Variants in SPATA3 observed in about 807,000 individuals in gnomAD.
The protein encoded by SPATA3 is spermatogenesis associated 3, also known as spermatogenesis-associated protein 3.
SPATA3 carries 6 observed loss-of-function variants against 5.7 expected under a neutral mutation model. The ratio of observed to expected loss-of-function variants is 1.06; its 90% CI spans 0.58 to 2.09. The LOEUF is 2.09. Ranked by LOEUF, SPATA3 falls within the 30% of genes most tolerant of loss-of-function variation. SPATA3 has a pLI of 0.00. For missense variants in SPATA3, 155 were observed against 130.4 expected (o/e 1.19, Z -0.92); for synonymous variants, 44 against 48.4 (o/e 0.91, Z 0.37).
chr2:231,016,660 G>A (rs1424890328), intron 6 of SPATA3, among the ~76,000 whole-genome samples: 2 of 150,964 alleles, frequency 1.3e-5, no homozygotes, highest in Non-Finnish European at 2.9e-5. Context: ...CCTCCAGCTT[G>A]GGCAACAGAT....
chr2:231,010,298 A>C (rs1360816495), downstream of SPATA3, among the ~76,000 whole-genome samples: 1 of 152,246 alleles, frequency 6.6e-6, no homozygotes, highest in Non-Finnish European at 1.5e-5. Flanking sequence ...AGCCTTGTAG[A>C]AATAGGACTG....
At chr2:231,005,310 C>A (rs796858653), downstream of SPATA3, among the ~76,000 whole-genome samples, 35 of 24,350 alleles carry the variant, frequency 1.4e-3, no homozygotes, top group Non-Finnish European at 2.4e-3. Context: ...ACCACCATCA[C>A]CACCATCATC....
In SPATA3 at chr2:231,014,084, T is replaced by TTCA. The variant is rs1306173352; in HGVS notation, c.*441_*443dup. On this transcript the variant is annotated 3_prime_UTR_variant, in exon 6 of 9. Coordinates refer to the SPATA3 transcript ENST00000452881. ...TACATTCCTTGGGGGTTAGACACCC[T>TTCA]TCATCACAAGATGTTTGTAGCTCAA... The TTCA allele has an allele frequency of 5.9e-5, 9 of 152,280 alleles. No individual in the cohort carries two copies. In the South Asian group the frequency reaches 1.5e-3, roughly 25 times the overall value. 9.4% of individuals were successfully genotyped at this position (152,280 alleles called of 1,614,324 possible).
downstream of SPATA3, among the ~76,000 whole-genome samples, chr2:231,007,970 G>T (rs1008324678): frequency 6.6e-6 from 1 of 152,042 alleles, no homozygotes; most frequent in African/African-American, 2.4e-5. Flanking sequence ...TGATTGCACC[G>T]CTGCACTCCA....
At chr2:231,018,320 G>T (rs746713826) in intron 6 of SPATA3, among the ~76,000 whole-genome samples, 1 of 152,020 alleles carries the variant, frequency 6.6e-6, no homozygotes, top group Non-Finnish European at 1.5e-5. Context: ...TACTCTTTCT[G>T]CAGGCTGTTG....
At chr2:231,008,536 G>T (rs534887101), downstream of SPATA3, among the ~76,000 whole-genome samples, 1 of 152,284 alleles carries the variant, frequency 6.6e-6, no homozygotes, top group Non-Finnish European at 1.5e-5. Context: ...CCAGGCTGGA[G>T]CCCATTCCCC....
downstream of SPATA3, among the ~76,000 whole-genome samples, chr2:231,010,318 G>C (rs1023134236): frequency 6.6e-6 from 1 of 152,230 alleles, no homozygotes; most frequent in African/African-American, 2.4e-5. Flanking sequence ...GGACAAAAGG[G>C]TCGGATCTAA....
chr2:231,008,439 G>T (rs1692701433), downstream of SPATA3, among the ~76,000 whole-genome samples: 2 of 152,182 alleles, frequency 1.3e-5, no homozygotes, highest in Non-Finnish European at 1.5e-5. Flanking sequence ...CTAAGAATTA[G>T]TTAGACCGGG....
intron 2 of SPATA3, among the ~76,000 whole-genome samples, chr2:231,001,607 C>T (rs1692355717): frequency 6.6e-6 from 1 of 152,216 alleles, no homozygotes; most frequent in Non-Finnish European, 1.5e-5. Flanking sequence ...GTTAGCCACA[C>T]CCTGCCCACA....
downstream of SPATA3, among the ~76,000 whole-genome samples, chr2:231,009,455 G>A (rs1374133012): frequency 6.6e-6 from 1 of 152,226 alleles, no homozygotes; most frequent in African/African-American, 2.4e-5. Context: ...GTGACGGGGG[G>A]ATGCTGTGGG....
downstream of SPATA3, among the ~76,000 whole-genome samples, chr2:231,010,889 G>A (rs1341145830): frequency 2.1e-5 from 3 of 144,858 alleles, no homozygotes; most frequent in Admixed American, 1.4e-4. Flanking sequence ...GCAGCATGGC[G>A]AAAACTCATA....
At chr2:231,019,409 C>CACCAGGAAGGCCTTCTAAAATT (rs1470268106) in intron 6 of SPATA3, among the ~76,000 whole-genome samples, 61 of 149,910 alleles carry the variant, frequency 4.1e-4, no homozygotes, top group East Asian at 8.3e-4. Context: ...CTGCAAGCTC[C>CACCAGGAAGGCCTTCTAAAATT]GCCTCCCGGG....
chr2:231,015,200 C>T (rs184881859), intron 6 of SPATA3, among the ~76,000 whole-genome samples: 2 of 151,166 alleles, frequency 1.3e-5, no homozygotes, highest in Admixed American at 1.3e-4. Flanking sequence ...AGGGAGTCCA[C>T]CTGAGTGGCT....
intron 1 of SPATA3, among the ~76,000 whole-genome samples, chr2:230,997,380 C>A (rs1248752438): frequency 6.6e-6 from 1 of 152,320 alleles, no homozygotes; most frequent in Admixed American, 6.5e-5. Context: ...GTAAGTTCCA[C>A]AAACCTCTTT....
downstream of SPATA3, among the ~76,000 whole-genome samples, chr2:231,010,775 G>A (rs1692760063): frequency 3.9e-5 from 6 of 152,176 alleles, no homozygotes; most frequent in South Asian, 1.2e-3. Flanking sequence ...ATTGTCTCAA[G>A]ACCATCAACT....
intron 6 of SPATA3, among the ~76,000 whole-genome samples, chr2:231,016,894 C>A (rs1267048486): frequency 6.6e-6 from 1 of 152,178 alleles, no homozygotes; most frequent in African/African-American, 2.4e-5. Context: ...CAATAGCTTT[C>A]CCATTCACCA....
intron 2 of SPATA3, among the ~76,000 whole-genome samples, 157 bp downstream of exon 2, chr2:231,000,694 G>T (rs576424475): frequency 1.3e-5 from 2 of 152,318 alleles, no homozygotes; most frequent in African/African-American, 4.8e-5. Flanking sequence ...CTTCCTGGAC[G>T]TTGGCAGGCA....
intron 1 of SPATA3, among the ~76,000 whole-genome samples, chr2:230,997,188 T>C (rs545021976): frequency 1.2e-4 from 18 of 152,344 alleles, no homozygotes; most frequent in South Asian, 8.3e-4. Context: ...TGGGAAGTGA[T>C]TGAATCACGG....
intron 5 of SPATA3, chr2:231,013,770 T>C (rs1692855446): frequency 6.6e-6 from 1 of 152,182 alleles, no homozygotes; most frequent in African/African-American, 2.4e-5. Context: ...TTAATTGTAC[T>C]GGCATTTTAT....
Sources: gnomAD v4.1 joint callset for allele counts (sites outside exome capture counted in the v4.1 genomes callset) on GRCh38, gnomAD v4.1.1 for gene constraint, MANE v1.5 for transcripts, NCBI Gene and HGNC (gene_info 2026-07-23, HGNC 2026-07-21) for gene names.